The following PPFIA2 variants were observed in gnomAD, a reference collection of about 807,000 sequenced individuals.
The protein encoded by PPFIA2 is liprin-alpha-2.
PPFIA2 carries 46 observed loss-of-function variants against 175.5 expected under a neutral mutation model. That is an observed-to-expected ratio of 0.26 (90% CI 0.21 to 0.34). The LOEUF (loss-of-function observed/expected upper bound fraction) is 0.34, where lower values mean the gene tolerates loss of function less well. PPFIA2 is among the 10% of genes least tolerant of loss of function. The pLI, the probability that PPFIA2 is intolerant of heterozygous loss-of-function variation, is 1.00. For synonymous variants in PPFIA2, 568 were observed against 511.4 expected, an observed-to-expected ratio of 1.11 and a Z score of -1.49; for missense variants, 1,179 against 1,506.1, an observed-to-expected ratio of 0.78 and a Z score of 3.60.
intron 4 of PPFIA2, among the ~76,000 whole-genome samples, chr12:81,601,542 T>C (rs1187015295): frequency 6.6e-6 from 1 of 151,942 alleles, no homozygotes; most frequent in East Asian, 1.9e-4. Flanking sequence ...CTTTAACTCA[T>C]GTTAACTGCC....
At chr12:81,338,136 A>G (rs2057415031) in intron 21 of PPFIA2, among the ~76,000 whole-genome samples, 1 of 152,096 alleles carries the variant, frequency 6.6e-6, no homozygotes, top group East Asian at 1.9e-4. Context: ...GCAATCAGAA[A>G]TTCTTTTGAT....
At chr12:81,272,581 C>T (rs1158592542) in intron 28 of PPFIA2, among the ~76,000 whole-genome samples, 3 of 152,106 alleles carry the variant, frequency 2.0e-5, no homozygotes, top group Admixed American at 6.5e-5. Context: ...CACTTATATT[C>T]CTTACATATT....
chr12:81,492,257 T>C (rs1408804034), intron 4 of PPFIA2, among the ~76,000 whole-genome samples: 2 of 152,062 alleles, frequency 1.3e-5, no homozygotes, highest in Non-Finnish European at 2.9e-5. Context: ...CATTCCTTCA[T>C]GCATTTACTA....
At chr12:81,381,390 T>C (rs973348678) in intron 9 of PPFIA2, among the ~76,000 whole-genome samples, 4 of 152,108 alleles carry the variant, frequency 2.6e-5, no homozygotes. Context: ...AGGCTATTAG[T>C]ATCAAGGAGT....
chr12:81,458,743 A>T (rs2054017508), intron 4 of PPFIA2, among the ~76,000 whole-genome samples: 1 of 152,186 alleles, frequency 6.6e-6, no homozygotes, highest in Non-Finnish European at 1.5e-5. Context: ...AGACCAAAAA[A>T]TGCAACTATT....
At chr12:81,521,337 C>A (rs1308295690) in intron 4 of PPFIA2, among the ~76,000 whole-genome samples, 1 of 151,966 alleles carries the variant, frequency 6.6e-6, no homozygotes, top group Non-Finnish European at 1.5e-5. Context: ...GATAACTTGA[C>A]GTATTTATCA....
At chr12:81,678,589 T>C (rs539111850) in intron 3 of PPFIA2, among the ~76,000 whole-genome samples, 108 of 152,002 alleles carry the variant, frequency 7.1e-4, no homozygotes, top group Admixed American at 1.2e-3. Flanking sequence ...AATGTATATA[T>C]ATTTTTTCTC....
intron 19 of PPFIA2, among the ~76,000 whole-genome samples, chr12:81,342,017 G>A (rs1042310527): frequency 6.6e-6 from 1 of 152,018 alleles, no homozygotes; most frequent in African/African-American, 2.4e-5. Flanking sequence ...ATAATAAAAG[G>A]TAAGATAGTA....
intron 8 of PPFIA2, among the ~76,000 whole-genome samples, chr12:81,386,606 A>C (rs2039025405): frequency 6.6e-6 from 1 of 151,834 alleles, no homozygotes; most frequent in African/African-American, 2.4e-5. Context: ...TGGGTGAAAG[A>C]GTGAGGCTCT....
intron 8 of PPFIA2, among the ~76,000 whole-genome samples, chr12:81,400,073 T>C (rs1319630088): frequency 6.6e-6 from 1 of 152,304 alleles, no homozygotes. Flanking sequence ...GTGAGAATGA[T>C]TAAAAGAATG....
chr12:81,342,944 A>C lies in PPFIA2; in HGVS notation c.2262+1720T>G, dbSNP rs562456672. Among the ~76,000 whole-genome samples the C allele has an allele frequency of 7.0e-3, 369 of 52,570 alleles. 5 individuals carry two copies. The highest frequency in any genetic ancestry group is 0.019 in the African/African-American group (348 of 18,224). 34.5% of individuals were successfully genotyped at this position (52,570 alleles called of 152,430 possible). ...TGTGCACATGTACCCTAAAACTTAA[A>C]GTATAATAATAATAATAATAATAAT... On this transcript the variant is annotated intron_variant, in intron 19 of 32. Coordinates refer to ENST00000549396, the MANE Select transcript of PPFIA2 (RefSeq NM_003625.5).
chr12:81,657,564 G>GT (rs1260713160), intron 4 of PPFIA2, among the ~76,000 whole-genome samples: 1 of 152,140 alleles, frequency 6.6e-6, no homozygotes, highest in African/African-American at 2.4e-5. Context: ...AGGCTACACA[G>GT]TCACAGGGAG....
At chr12:81,552,799 T>C (rs1309289250) in intron 4 of PPFIA2, among the ~76,000 whole-genome samples, 2 of 152,076 alleles carry the variant, frequency 1.3e-5, no homozygotes, top group Admixed American at 6.6e-5. Flanking sequence ...CGCTAAACAG[T>C]AAAGTAGCTT....
chr12:81,711,450 T>A (rs2077902712), intron 3 of PPFIA2, among the ~76,000 whole-genome samples: 1 of 151,316 alleles, frequency 6.6e-6, no homozygotes, highest in Non-Finnish European at 1.5e-5. Flanking sequence ...ATGAACTAAT[T>A]ATAGAATACT....
intron 4 of PPFIA2, among the ~76,000 whole-genome samples, chr12:81,623,010 A>G (rs558259601): frequency 6.6e-5 from 10 of 152,238 alleles, no homozygotes; most frequent in Non-Finnish European, 1.3e-4. Flanking sequence ...GATAAGGGGG[A>G]AAATGTGTTT....
chr12:81,592,747 T>C (rs1243112745), intron 4 of PPFIA2, among the ~76,000 whole-genome samples: 5 of 152,148 alleles, frequency 3.3e-5, no homozygotes. Context: ...TGGGTATATC[T>C]TTATCAGCAG....
At chr12:81,667,629 C>A (rs1032373405) in intron 4 of PPFIA2, among the ~76,000 whole-genome samples, 1 of 152,072 alleles carries the variant, frequency 6.6e-6, no homozygotes, top group Non-Finnish European at 1.5e-5. Flanking sequence ...ATACCTTCAT[C>A]TTTCATCAAT....
intron 4 of PPFIA2, among the ~76,000 whole-genome samples, chr12:81,625,980 A>C (rs1030471389): frequency 1.3e-5 from 2 of 151,262 alleles, no homozygotes; most frequent in Admixed American, 1.3e-4. Flanking sequence ...AATAACAAAA[A>C]TTGTCACATT....
In PPFIA2 at chr12:81,685,133, G is replaced by A. The variant is rs186481697; in HGVS notation, c.250-8289C>T. 1.7e-3 allele frequency among the ~76,000 whole-genome samples: 255 copies of A among 152,124 alleles called. 1 individual carries two copies. The highest frequency in any genetic ancestry group is 6.0e-3 in the African/African-American group (248 of 41,532). On this transcript the variant is annotated intron_variant, in intron 3 of 32. Transcript: ENST00000549396. ...TTCACAGCACTGGGAATAAGTAATA[G>A]AAGATAAAATTTATTTTAAACAAAT...
Sources: allele counts gnomAD v4.1 joint callset (sites outside exome capture counted in the v4.1 genomes callset), GRCh38; gene constraint gnomAD v4.1.1; transcripts MANE v1.5; gene names NCBI Gene and HGNC (gene_info 2026-07-23, HGNC 2026-07-21).